FRMD1: variants seen among roughly 807,000 people sequenced by gnomAD.
FRMD1 encodes FERM domain-containing protein 1.
A neutral mutation model predicts 54.9 loss-of-function variants in FRMD1; 51 were observed. The ratio of observed to expected loss-of-function variants is 0.93; its 90% CI spans 0.74 to 1.17. The LOEUF is 1.17. Ranked by LOEUF, FRMD1 falls within the 50% of genes most tolerant of loss-of-function variation. FRMD1 has a pLI of 0.00. For missense variants in FRMD1, 729 were observed against 743.0 expected (o/e 0.98, Z 0.22); for synonymous variants, 324 against 306.4 (o/e 1.06, Z -0.60).
intron 4 of FRMD1, chr6:168,065,706 T>C: frequency 2.0e-6 from 2 of 986,974 alleles, no homozygotes; most frequent in Non-Finnish European, 2.4e-6. Flanking sequence ...TACCAGTGTC[T>C]CCAGGGCTCT....
chr6:168,069,578 A>C (rs770529079), intron 2 of FRMD1, among the ~76,000 whole-genome samples: 5 of 152,218 alleles, frequency 3.3e-5, no homozygotes, highest in Non-Finnish European at 7.3e-5. Flanking sequence ...CGGTAAGGTC[A>C]GCAAAAGGCC....
intron 3 of FRMD1, 168 bp downstream of exon 3, chr6:168,067,199 G>A (rs991893667): frequency 3.6e-5 from 22 of 618,266 alleles, no homozygotes; most frequent in Middle Eastern, 2.9e-4. Context: ...CCCACCCCAC[G>A]CATCCCACCA....
intron 10 of FRMD1, among the ~76,000 whole-genome samples, chr6:168,058,182 C>T (rs1799514263): frequency 6.6e-6 from 1 of 151,590 alleles, no homozygotes; most frequent in Non-Finnish European, 1.5e-5. Context: ...GTGCCCAGCC[C>T]TGTTCTCTCT....
At position 168,053,485 on chromosome 6, in the gene FRMD1, C is replaced by G. The variant is rs531733349; in HGVS notation, c.*3612G>C. On this transcript the variant is annotated 3_prime_UTR_variant, in exon 11 of 11. Coordinates refer to ENST00000283309, the MANE Select transcript of FRMD1 (RefSeq NM_024919.6). ...AGGTAGAGACGACATGACTGGGAAC[C>G]CCGAAACGTCTCCCAGCAGACCGAG... 6.6e-6 allele frequency: 1 copy of G among 152,494 alleles called. No individual in the cohort carries two copies. Among genetic ancestry groups the G allele is most frequent in the African/African-American group, 2.4e-5 (1 of 41,584 alleles). 9.4% of individuals were successfully genotyped at this position (152,494 alleles called of 1,614,324 possible).
chr6:168,070,033 G>T (rs1237689566), intron 2 of FRMD1, among the ~76,000 whole-genome samples: 1 of 152,088 alleles, frequency 6.6e-6, no homozygotes, highest in Non-Finnish European at 1.5e-5. Flanking sequence ...GAGACAGCCT[G>T]GGCAACATAA....
Position 168,058,052 on chromosome 6 carries a change from T to G in FRMD1, c.1408-713A>C, listed in dbSNP as rs548080592. 2.0e-5 allele frequency among the ~76,000 whole-genome samples: 3 copies of G among 152,354 alleles called. No homozygotes were observed. The South Asian group carries it at 6.2e-4, about 32-fold the overall frequency. On this transcript the variant is annotated intron_variant, in intron 10 of 10. Coordinates refer to ENST00000283309, the MANE Select transcript of FRMD1 (RefSeq NM_024919.6). ...GGCTTCGGGCAGCCGTCTCCTCCACTGAGTGGGCTGACCTGGGTTTGGGAT... is the reference window on the plus strand; with the variant it reads ...GGCTTCGGGCAGCCGTCTCCTCCACGGAGTGGGCTGACCTGGGTTTGGGAT...
chr6:168,077,962 C>T (rs1025554672), intron 1 of FRMD1, among the ~76,000 whole-genome samples: 7 of 152,108 alleles, frequency 4.6e-5, no homozygotes, highest in African/African-American at 2.4e-5. Flanking sequence ...TAGATGTGGG[C>T]GTTTACGTAA....
At chr6:168,065,757 C>T (rs561710759) in intron 4 of FRMD1, 26 of 991,442 alleles carry the variant, frequency 2.6e-5, no homozygotes, top group Non-Finnish European at 2.9e-5. Flanking sequence ...AACCCTCCCA[C>T]ACAACCACAC....
chr6:168,066,966 C>T, intron 3 of FRMD1, 135 bp from the exon 4 acceptor site: 1 of 1,122,222 alleles, frequency 8.9e-7, no homozygotes. Context: ...GCAGCCATAG[C>T]TGACAATTCG....
chr6:168,081,682 A>G (rs1409976567), upstream of FRMD1: 1 of 542,304 alleles, frequency 1.8e-6, no homozygotes, highest in East Asian at 3.0e-5. Flanking sequence ...TGACACAGGC[A>G]CAGGACTAAA....
In FRMD1 at chr6:168,057,387, C is replaced by T. The variant is rs1417060465; in HGVS notation, c.1408-48G>A. The stretch of plus-strand genomic sequence containing the variant: ...GAGGCCTGCTGCCCCCTCTCACTCC[C>T]ACCACCGCACACGGCAGCCACACTG... On this transcript the variant is annotated intron_variant, in intron 10 of 10. Coordinates refer to ENST00000283309, the MANE Select transcript of FRMD1 (RefSeq NM_024919.6). 2.7e-5 allele frequency: 43 copies of T among 1,587,320 alleles called. No homozygotes were observed. In the Admixed American group the frequency reaches 7.1e-4, roughly 26 times the overall value.
intron 4 of FRMD1, 153 bp downstream of exon 4, chr6:168,066,602 C>T: frequency 2.1e-6 from 3 of 1,422,676 alleles, no homozygotes; most frequent in African/African-American, 1.5e-5. Flanking sequence ...CTGTGTTAAC[C>T]CCAAAGCAAA....
chr6:168,076,284 C>T (rs1190719577), intron 1 of FRMD1, among the ~76,000 whole-genome samples: 1 of 152,194 alleles, frequency 6.6e-6, no homozygotes, highest in African/African-American at 2.4e-5. Context: ...GGCCATTTTG[C>T]GATTCTTCAT....
intron 5 of FRMD1, 143 bp downstream of exon 5, chr6:168,064,728 G>C (rs1799937112): frequency 7.1e-7 from 1 of 1,409,486 alleles, no homozygotes; most frequent in East Asian, 2.5e-5. Flanking sequence ...CAGAAGGACA[G>C]GTGATTGCCC....
upstream of FRMD1, among the ~76,000 whole-genome samples, chr6:168,086,326 T>G (rs1800918096): frequency 6.6e-6 from 1 of 150,756 alleles, no homozygotes; most frequent in African/African-American, 2.5e-5. Flanking sequence ...ACATCTTCAG[T>G]GTGGACACCC....
At chr6:168,070,760 G>A (rs1450772699) in intron 2 of FRMD1, among the ~76,000 whole-genome samples, 4 of 152,216 alleles carry the variant, frequency 2.6e-5, no homozygotes, top group African/African-American at 9.6e-5. Context: ...GCATACATCT[G>A]TCAGGAGTGT....
chr6:168,061,223 G>A (rs979322758), intron 8 of FRMD1, among the ~76,000 whole-genome samples, 166 bp from the exon 9 acceptor site: 1 of 152,102 alleles, frequency 6.6e-6, no homozygotes, highest in African/African-American at 2.4e-5. Context: ...CAGGCCTTGT[G>A]CTCAGGTGAG....
At chr6:168,090,711 T>C (rs1801001550) in intron 1 of FRMD1, among the ~76,000 whole-genome samples, 1 of 152,250 alleles carries the variant, frequency 6.6e-6, no homozygotes, top group South Asian at 2.1e-4. Flanking sequence ...TCCCCACTGC[T>C]GAGAGCAGTT....
At chr6:168,065,341 A>G in intron 4 of FRMD1, 2 of 1,223,286 alleles carry the variant, frequency 1.6e-6, no homozygotes, top group South Asian at 5.3e-5. Flanking sequence ...CTTGGCCTTC[A>G]CCAAACCAAG....
Sources: allele counts gnomAD v4.1 joint callset (sites outside exome capture counted in the v4.1 genomes callset), GRCh38; gene constraint gnomAD v4.1.1; transcripts MANE v1.5; gene names NCBI Gene and HGNC (gene_info 2026-07-23, HGNC 2026-07-21).